The following TMPRSS4 variants were observed in gnomAD, a reference collection of about 807,000 sequenced individuals.
TMPRSS4 encodes transmembrane protease serine 4.
TMPRSS4 carries 45 observed loss-of-function variants against 56.4 expected under a neutral mutation model. That is an observed-to-expected ratio of 0.80 (90% CI 0.63 to 1.02). The LOEUF (loss-of-function observed/expected upper bound fraction) is 1.02. Among genes scored for constraint, TMPRSS4 ranks in the 50% least tolerant of loss-of-function variants. The probability of loss-of-function intolerance (pLI) is 0.00; values close to 1 mark genes in which losing one functional copy is unlikely to be tolerated. For synonymous variants in TMPRSS4, 205 were observed against 211.0 expected (o/e 0.97, Z 0.25); for missense variants, 546 against 556.7 (o/e 0.98, Z 0.19).
Position 118,118,470 on chromosome 11 carries a change from A to T in TMPRSS4, c.*557A>T. ...AACATCTCTGGCATAGGCTAGCTGG[A>T]ATGCTTGATAAGAACTGAGCTGGGA... On this transcript the variant is annotated 3_prime_UTR_variant, in exon 13 of 13. Transcript: ENST00000437212. 1 of 986,200 alleles carries T rather than the reference A, an allele frequency of 1.0e-6. No homozygotes were observed. The highest frequency in any genetic ancestry group is 1.2e-6 in the Non-Finnish European group (1 of 830,506). The allele number at this position is 986,200 out of a possible 1,614,324, so 61.1% of individuals were successfully genotyped here. A position where few individuals can be genotyped will look rare whatever the true frequency, so the allele number is the denominator to read the frequency against.
intron 1 of TMPRSS4, among the ~76,000 whole-genome samples, chr11:118,090,359 A>G (rs1425580651): frequency 6.6e-6 from 1 of 152,152 alleles, no homozygotes; most frequent in African/African-American, 2.4e-5. Context: ...AGTTAACAAG[A>G]TAGTCACAGT....
intron 3 of TMPRSS4, among the ~76,000 whole-genome samples, chr11:118,099,999 C>T (rs1946655653): frequency 6.6e-6 from 1 of 152,154 alleles, no homozygotes; most frequent in South Asian, 2.1e-4. Context: ...CACATGAGCA[C>T]AGCAGGTTAC....
Position 118,103,161 on chromosome 11 carries a change from G to A in TMPRSS4, c.218G>A (p.Arg73Lys). Residue 73 changes from arginine to lysine, a missense_variant, in exon 4 of 13, where the codon AGG (arginine) becomes AAG (lysine). By Grantham distance (26) the Arg-to-Lys change is conservative. Coordinates refer to ENST00000437212, the MANE Select transcript of TMPRSS4 (RefSeq NM_019894.4). ...GGGCAGCCTCTCCACTTCATCCCGA[G>A]GAAGCAGCTGTGTGACGGAGAGCTG... ...LCGQPLHFIP[R>K]KQLCDGELDC... is the part of the protein sequence containing the mutation. 1.2e-6 allele frequency: 2 copies of A among 1,614,204 alleles called. No homozygotes were observed. Among genetic ancestry groups the A allele is most frequent in the South Asian group, 1.1e-5 (1 of 91,076 alleles).
chr11:118,108,938 C>T, intron 7 of TMPRSS4, 42 bp downstream of exon 7: 1 of 1,604,926 alleles, frequency 6.2e-7, no homozygotes, highest in Non-Finnish European at 8.5e-7. Flanking sequence ...CCTGGGCCAG[C>T]AATGAGCAGG....
At chr11:118,090,412 C>T (rs1591359580) in intron 1 of TMPRSS4, among the ~76,000 whole-genome samples, 1 of 152,004 alleles carries the variant, frequency 6.6e-6, no homozygotes. Context: ...TTTATTTTTT[C>T]TTTCTCTCTT....
chr11:118,099,510 C>T (rs1946625935), intron 3 of TMPRSS4, among the ~76,000 whole-genome samples: 1 of 122,134 alleles, frequency 8.2e-6, no homozygotes, highest in African/African-American at 2.9e-5. Flanking sequence ...AGACATGTAT[C>T]CACCCCCTGC....
chr11:118,097,583 C>T (rs1946479193), intron 2 of TMPRSS4, among the ~76,000 whole-genome samples: 1 of 152,198 alleles, frequency 6.6e-6, no homozygotes, highest in South Asian at 2.1e-4. Flanking sequence ...GAATGTATCT[C>T]TGATACTTAC....
chr11:118,096,002 T>C (rs1946267067), intron 2 of TMPRSS4, among the ~76,000 whole-genome samples: 1 of 152,232 alleles, frequency 6.6e-6, no homozygotes. Context: ...CCTGAGAATG[T>C]CTGGTCTTGG....
rs533794402 is a variant in TMPRSS4, at chr11:118,085,326, C to T, written c.3+8021C>T. On this transcript the variant is annotated intron_variant, in intron 1 of 12. Coordinates refer to ENST00000437212, the MANE Select transcript of TMPRSS4 (RefSeq NM_019894.4). ...GCAACCTCCGCCTCCCAGGTTCAAG[C>T]GATTCTCCTGCCTCAGCCTCCCGAG... Among the ~76,000 whole-genome samples, 12 of 151,438 alleles carry T rather than the reference C, an allele frequency of 7.9e-5. No individual in the cohort carries two copies. The South Asian group carries it at 1.9e-3, about 24-fold the overall frequency.
intron 11 of TMPRSS4, 182 bp downstream of exon 11, chr11:118,115,462 T>G: frequency 3.0e-6 from 2 of 667,114 alleles, no homozygotes; most frequent in South Asian, 4.1e-5. Flanking sequence ...TACCAATAGA[T>G]GAGTGGGTGG....
chr11:118,115,303 G>A (rs1947490811), intron 11 of TMPRSS4, 23 bp downstream of exon 11: 1 of 1,610,474 alleles, frequency 6.2e-7, no homozygotes, highest in East Asian at 2.2e-5. Flanking sequence ...AGAATCATGG[G>A]GAGTTCTAAG....
chr11:118,109,845 C>G (rs1225368230), intron 7 of TMPRSS4, among the ~76,000 whole-genome samples: 1 of 152,212 alleles, frequency 6.6e-6, no homozygotes, highest in Non-Finnish European at 1.5e-5. Flanking sequence ...CCCGGCCCCA[C>G]AATACCTAGT....
chr11:118,113,846 C>A (rs796328459), intron 9 of TMPRSS4, among the ~76,000 whole-genome samples: 32 of 152,330 alleles, frequency 2.1e-4, no homozygotes, highest in African/African-American at 7.0e-4. Flanking sequence ...GCAGGGAACC[C>A]ATTACCTGTG....
chr11:118,094,102 A>G (rs889330928), intron 1 of TMPRSS4, among the ~76,000 whole-genome samples: 3 of 152,248 alleles, frequency 2.0e-5, no homozygotes, highest in Non-Finnish European at 4.4e-5. Flanking sequence ...AAACTTTCAC[A>G]CACAGGTTTT....
intron 5 of TMPRSS4, chr11:118,107,406 T>G (rs1468521614): frequency 6.0e-6 from 1 of 165,718 alleles, no homozygotes; most frequent in African/African-American, 2.4e-5. Flanking sequence ...CCTATGCCTC[T>G]TTGTTTCCCT....
Position 118,099,095 on chromosome 11 carries a change from C to T in TMPRSS4, c.154C>T (p.Leu52Phe), listed in dbSNP as rs147692110. 13 of 1,613,064 alleles carry T rather than the reference C, an allele frequency of 8.1e-6. No homozygotes were observed. In the African/African-American group the frequency reaches 1.7e-4, roughly 22 times the overall value. ...GGCGAGTATCATCATTGTGGTTGTCCTCAGTAAGTGACAGCCCGTACCCGA... is the reference window on the plus strand; with the variant it reads ...GGCGAGTATCATCATTGTGGTTGTCTTCAGTAAGTGACAGCCCGTACCCGA... ...SLASIIIVVVLIKVILDKYYF... is the reference protein window; with the variant it reads ...SLASIIIVVVFIKVILDKYYF... Residue 52 changes from leucine (L) to phenylalanine (F), a missense_variant, in exon 3 of 13, where the codon CTC (leucine) becomes TTC (phenylalanine). Physicochemically the swap from Leu to Phe is conservative, Grantham distance 22. Coordinates refer to ENST00000437212, the MANE Select transcript of TMPRSS4 (RefSeq NM_019894.4).
chr11:118,117,506 G>A, intron 12 of TMPRSS4, 52 bp downstream of exon 12: 12 of 1,570,160 alleles, frequency 7.6e-6, no homozygotes, highest in Non-Finnish European at 1.0e-5. Flanking sequence ...CCTCTACCTG[G>A]GGGGTGCCAA....
At chr11:118,108,137 G>A in intron 6 of TMPRSS4, 1 of 383,730 alleles carries the variant, frequency 2.6e-6, no homozygotes, top group Non-Finnish European at 4.7e-6. Flanking sequence ...GATGGATAAT[G>A]TGACCTTTCC....
At chr11:118,080,379 A>T (rs1431217563) in intron 1 of TMPRSS4, among the ~76,000 whole-genome samples, 1 of 152,140 alleles carries the variant, frequency 6.6e-6, no homozygotes, top group Non-Finnish European at 1.5e-5. Flanking sequence ...CTGTGGCTGG[A>T]GCAAAGACTC....
Sources: gnomAD v4.1 joint callset for allele counts (sites outside exome capture counted in the v4.1 genomes callset) on GRCh38, gnomAD v4.1.1 for gene constraint, MANE v1.5 for transcripts, NCBI Gene and HGNC (gene_info 2026-07-23, HGNC 2026-07-21) for gene names.